The following TMPPE variants were observed in gnomAD, a reference collection of about 807,000 sequenced individuals.
TMPPE encodes the protein transmembrane protein with metallophosphoesterase domain.
TMPPE carries 16 observed loss-of-function variants against 22.6 expected under a neutral mutation model. The ratio of observed to expected loss-of-function variants is 0.71; its 90% CI spans 0.48 to 1.08. The LOEUF (loss-of-function observed/expected upper bound fraction) is 1.08. TMPPE is among the 50% of genes least tolerant of loss of function. The pLI is 0.00. For synonymous variants in TMPPE, 240 were observed against 245.3 expected (o/e 0.98, Z 0.20); for missense variants, 526 against 584.3 (o/e 0.90, Z 1.03).
Position 33,092,699 on chromosome 3 carries a change from G to A in TMPPE, c.*135C>T. 6.9e-7 allele frequency: 1 copy of A among 1,446,840 alleles called. No homozygotes were observed. Among genetic ancestry groups the A allele is most frequent in the Non-Finnish European group, 9.1e-7 (1 of 1,102,498 alleles). 89.6% of individuals were successfully genotyped at this position (1,446,840 alleles called of 1,614,324 possible). A position where few individuals can be genotyped will look rare whatever the true frequency, so the allele number is the denominator to read the frequency against. On this transcript the variant is annotated 3_prime_UTR_variant, in exon 2 of 2. Coordinates refer to ENST00000342462, the MANE Select transcript of TMPPE (RefSeq NM_001039770.3). The stretch of plus-strand genomic sequence containing the variant: ...AGGCCCACCATAAGTCACTGTTTGA[G>A]TCAGGCTTGTGACCAAGGGTGTGTA...
intron 1 of TMPPE, among the ~76,000 whole-genome samples, chr3:33,095,200 G>C (rs1315989899): frequency 1.8e-4 from 18 of 99,104 alleles, no homozygotes; most frequent in Non-Finnish European, 2.9e-4. Flanking sequence ...AAAAGAGCGA[G>C]ACTCTGTCTC....
At chr3:33,096,100 C>G (rs750558765) in intron 1 of TMPPE, among the ~76,000 whole-genome samples, 1 of 152,200 alleles carries the variant, frequency 6.6e-6, no homozygotes, top group Non-Finnish European at 1.5e-5. Flanking sequence ...GTGTCAAATG[C>G]TACCAGCTCT....
chr3:33,094,049 G>A lies in TMPPE; in HGVS notation c.147C>T (p.Ala49=). Residue 49 remains alanine, a synonymous_variant, in exon 2 of 2, where the codon GCC becomes GCT. Coordinates refer to ENST00000342462, the MANE Select transcript of TMPPE (RefSeq NM_001039770.3). ...AWRWLLRLQL[A]LFVNSLLLIG... Reference sequence around the variant, plus strand: ...TGAGCAAGAGCGAGTTGACAAACAGGGCAAGCTGCAAGCGAAGCAGCCAAC... The same window carrying A: ...TGAGCAAGAGCGAGTTGACAAACAGAGCAAGCTGCAAGCGAAGCAGCCAAC... The A allele has an allele frequency of 4.3e-6, 7 of 1,614,228 alleles. No individual in the cohort carries two copies. Among genetic ancestry groups the A allele is most frequent in the Non-Finnish European group, 5.9e-6 (7 of 1,180,046 alleles).
rs1700776116 is a variant in TMPPE at position 33,091,825 on chromosome 3, C to G, written c.*1009G>C. The stretch of plus-strand genomic sequence containing the variant: ...ATCACCCAGCAGGAAACCAGCCCAG[C>G]CCTGTCTTCTCAGTGAGGCCTTTTC... On this transcript the variant is annotated 3_prime_UTR_variant, in exon 2 of 2. Coordinates refer to ENST00000342462, the MANE Select transcript of TMPPE (RefSeq NM_001039770.3). 1.0e-6 allele frequency: 1 copy of G among 985,370 alleles called. No homozygotes were observed. Among genetic ancestry groups the G allele is most frequent in the South Asian group, 4.7e-5 (1 of 21,286 alleles). 61.0% of individuals were successfully genotyped at this position (985,370 alleles called of 1,614,324 possible). A position where few individuals can be genotyped will look rare whatever the true frequency, so the allele number is the denominator to read the frequency against.
chr3:33,096,801 T>G lies in TMPPE; in HGVS notation c.-191A>C. 7.4e-7 allele frequency: 1 copy of G among 1,351,280 alleles called. No individual in the cohort carries two copies. The highest frequency in any genetic ancestry group is 1.8e-5 in the South Asian group (1 of 55,450). 83.7% of individuals were successfully genotyped at this position (1,351,280 alleles called of 1,614,324 possible). ...GAGCGGAACGCACAAGCGACCGAGC[T>G]GCCTGGAAGGACGCGCGCCCCGCCC... On this transcript the variant is annotated 5_prime_UTR_variant, in exon 1 of 2. Transcript: ENST00000342462.
In TMPPE at chr3:33,097,066, C is replaced by G. The variant is rs1484753571; in HGVS notation, c.-456G>C. 1.2e-6 allele frequency: 2 copies of G among 1,612,528 alleles called. No homozygotes were observed. Among genetic ancestry groups the G allele is most frequent in the Admixed American group, 3.3e-5 (2 of 59,886 alleles). ...CAGAACCAGCAACAGAGGGAGGATG[C>G]GAACCAGGAACCCCGGCATGACCAC... On this transcript the variant is annotated 5_prime_UTR_variant, in exon 1 of 2. Transcript: ENST00000342462.
intron 1 of TMPPE, among the ~76,000 whole-genome samples, chr3:33,095,923 G>A (rs569224054): frequency 1.3e-5 from 2 of 152,318 alleles, no homozygotes; most frequent in Non-Finnish European, 2.9e-5. Context: ...TGAAGAGGGA[G>A]CAGCAAATAA....
In TMPPE at chr3:33,097,082, G is replaced by T. The variant is rs772539129; in HGVS notation, c.-472C>A. ...GGGAGGATGCGAACCAGGAACCCCG[G>T]CATGACCACCAGCCTCCCGGCTCTG... is the stretch of plus-strand genomic sequence containing the variant. On this transcript the variant is annotated 5_prime_UTR_variant, in exon 1 of 2. Coordinates refer to ENST00000342462, the MANE Select transcript of TMPPE (RefSeq NM_001039770.3). 45 of 1,612,424 alleles carry T rather than the reference G, an allele frequency of 2.8e-5. No homozygotes were observed. Among genetic ancestry groups the T allele is most frequent in the Admixed American group, 2.5e-4 (15 of 59,878 alleles).
At position 33,093,721 on chromosome 3, in the gene TMPPE, T is replaced by C; in HGVS notation, c.475A>G (p.Thr159Ala). Residue 159 changes from threonine to alanine, a missense_variant, in exon 2 of 2, where the codon ACA becomes GCA. Physicochemically the swap from Thr to Ala is moderately conservative, Grantham distance 58 (BLOSUM62 0). Transcript: ENST00000342462. The surrounding 1 kb of genome is among the most constrained non-coding windows in gnomAD (Gnocchi z 6.0). ...SGRVVGSLEK[T>A]RKLVLRPALA... Reference sequence around the variant, plus strand: ...GCAGGCCTGAGCACGAGCTTCCTTGTCTTCTCAAGGCTGCCCACGACCCTA... The same window carrying C: ...GCAGGCCTGAGCACGAGCTTCCTTGCCTTCTCAAGGCTGCCCACGACCCTA... The C allele has an allele frequency of 6.2e-7, 1 of 1,614,076 alleles. No homozygotes were observed. The highest frequency in any genetic ancestry group is 8.5e-7 in the Non-Finnish European group (1 of 1,179,990).
chr3:33,093,850 AG>A lies in TMPPE; in HGVS notation c.345del (p.Leu116TrpfsTer57). 6.2e-7 allele frequency: 1 copy of A among 1,613,770 alleles called. No individual in the cohort carries two copies. Among genetic ancestry groups the A allele is most frequent in the Non-Finnish European group, 8.5e-7 (1 of 1,179,838 alleles). ...GCACCCAGGCAGGAGTAGGCCGCCA[AG>A]GAAAAGAGATAGGGCTCTTCGGCCA... ...FLVAEEPYLF[S>X]LAAYSCLGAY... is the part of the protein sequence containing the mutation. On this transcript the variant is annotated frameshift_variant, in exon 2 of 2. Transcript: ENST00000342462. LOFTEE classifies it high-confidence loss of function. This position sits in a 1 kb window ranked among gnomAD's most constrained non-coding sequence, Gnocchi z 6.0.
intron 1 of TMPPE, among the ~76,000 whole-genome samples, chr3:33,095,210 CAAAAAAAA>C (rs71630565): frequency 0.23 from 17,397 of 77,228 alleles, 1,117 homozygotes; most frequent in Admixed American, 0.31. Flanking sequence ...GACTCTGTCT[CAAAAAAAA>C]AAAAAAAAAA....
At chr3:33,096,534 G>C (rs1214714425) in intron 1 of TMPPE, 185 bp downstream of exon 1, 1 of 985,196 alleles carries the variant, frequency 1.0e-6, no homozygotes, top group Non-Finnish European at 1.2e-6. Context: ...GCACCCAGAG[G>C]GGAAATAACC....
chr3:33,092,204 T>C lies in TMPPE; in HGVS notation c.*630A>G, dbSNP rs1700794036. ...AGGCCCAGGAGCACAGACAGTTAAA[T>C]AGCATCCCTCAAGGCCTGGAACAGG... On this transcript the variant is annotated 3_prime_UTR_variant, in exon 2 of 2. Coordinates refer to ENST00000342462, the MANE Select transcript of TMPPE (RefSeq NM_001039770.3). 3 of 985,840 alleles carry C rather than the reference T, an allele frequency of 3.0e-6. No homozygotes were observed. The highest frequency in any genetic ancestry group is 3.6e-6 in the Non-Finnish European group (3 of 830,288). 61.1% of individuals were successfully genotyped at this position (985,840 alleles called of 1,614,324 possible).
chr3:33,093,921 A>C lies in TMPPE; in HGVS notation c.275T>G (p.Phe92Cys). ...GAAACTGGAATGGGCCAGGGCCAGA[A>C]ATGCCAGAACCACCACCTTCCAAAG... Reference protein sequence around the residue: ...FQLWKVVVLAFLALAHSSFFT... With the variant: ...FQLWKVVVLACLALAHSSFFT... The change falls in exon 2 of 2, where the codon TTT becomes TGT. Residue 92 changes from phenylalanine (F) to cysteine (C), a missense_variant. Coordinates refer to ENST00000342462, the MANE Select transcript of TMPPE (RefSeq NM_001039770.3). The surrounding 1 kb of genome is among the most constrained non-coding windows in gnomAD (Gnocchi z 6.0). 6.2e-7 allele frequency: 1 copy of C among 1,614,112 alleles called. No individual in the cohort carries two copies. Among genetic ancestry groups the C allele is most frequent in the Non-Finnish European group, 8.5e-7 (1 of 1,180,012 alleles).
In TMPPE at chr3:33,097,095, C is replaced by T. The variant is rs747268052; in HGVS notation, c.-485G>A. The T allele has an allele frequency of 4.3e-6, 7 of 1,612,026 alleles. No individual in the cohort carries two copies. Among genetic ancestry groups the T allele is most frequent in the African/African-American group, 4.0e-5 (3 of 74,782 alleles). On this transcript the variant is annotated 5_prime_UTR_variant, in exon 1 of 2. Transcript: ENST00000342462. ...CCAGGAACCCCGGCATGACCACCAG[C>T]CTCCCGGCTCTGCAGTCGGCGCCCA... is the stretch of plus-strand genomic sequence containing the variant.
At chr3:33,095,891 G>C (rs1575505223) in intron 1 of TMPPE, among the ~76,000 whole-genome samples, 1 of 152,174 alleles carries the variant, frequency 6.6e-6, no homozygotes, top group Admixed American at 6.5e-5. Context: ...TACATACTGG[G>C]GTAGGGGAAC....
At chr3:33,096,515 A>G in intron 1 of TMPPE, 3 of 985,378 alleles carry the variant, frequency 3.0e-6, no homozygotes, top group Non-Finnish European at 2.4e-6. Flanking sequence ...AGATGCACGA[A>G]GAGGGAGAGC....
chr3:33,093,405 T>C lies in TMPPE; in HGVS notation c.791A>G (p.Gln264Arg). ...VLRTAVAPLGQLHSHLGAYFV... is the reference protein window; with the variant it reads ...VLRTAVAPLGRLHSHLGAYFV... ...GTAGGCACCGAGATGTGAATGAAGC[T>C]GGCCCAGAGGAGCGACAGCCGTCCG... The change falls in exon 2 of 2, where the codon CAG becomes CGG. Residue 264 changes from glutamine to arginine, a missense_variant. Gln to Arg is a conservative substitution (Grantham distance 43). Transcript: ENST00000342462. This position sits in a 1 kb window ranked among gnomAD's most constrained non-coding sequence, Gnocchi z 6.0. 1.2e-6 allele frequency: 2 copies of C among 1,614,072 alleles called. No homozygotes were observed. The highest frequency in any genetic ancestry group is 1.7e-6 in the Non-Finnish European group (2 of 1,180,000).
At chr3:33,096,257 C>T in intron 1 of TMPPE, 1 of 413,452 alleles carries the variant, frequency 2.4e-6, no homozygotes, top group Non-Finnish European at 3.3e-6. Flanking sequence ...CTTTGGAGCC[C>T]CTCAGCCAGT....
Sources: gnomAD v4.1 joint callset for allele counts (sites outside exome capture counted in the v4.1 genomes callset) on GRCh38, gnomAD v4.1.1 for gene constraint, Gnocchi (gnomAD v3.1) non-coding constraint, MANE v1.5 for transcripts, NCBI Gene and HGNC (gene_info 2026-07-23, HGNC 2026-07-21) for gene names.